Variants in IFT56 observed in about 807,000 individuals in gnomAD.
IFT56 encodes the protein intraflagellar transport 56.
chr7:139,144,277 T>A, the IFT56 span, among the ~76,000 whole-genome samples: 1 of 152,086 alleles, frequency 6.6e-6, no homozygotes, highest in Non-Finnish European at 1.5e-5. Flanking sequence ...AGGTAGGTAA[T>A]TATTTTTGCT....
chr7:139,174,979 C>T, the IFT56 span, among the ~76,000 whole-genome samples: 1 of 151,768 alleles, frequency 6.6e-6, no homozygotes, highest in African/African-American at 2.4e-5. Context: ...CGAGGTCACA[C>T]CATCACACTA....
the IFT56 span, chr7:139,187,491 G>GT: frequency 6.2e-7 from 1 of 1,614,196 alleles, no homozygotes; most frequent in Non-Finnish European, 8.5e-7. Context: ...GGCAAACGGG[G>GT]TGCCTGTGTG....
At chr7:139,156,891 G>A in the IFT56 span, among the ~76,000 whole-genome samples, 1 of 152,160 alleles carries the variant, frequency 6.6e-6, no homozygotes, top group Non-Finnish European at 1.5e-5. Flanking sequence ...TTCACATGTA[G>A]TGGGTCTAGC....
At chr7:139,150,239 G>A in the IFT56 span, among the ~76,000 whole-genome samples, 1 of 152,278 alleles carries the variant, frequency 6.6e-6, no homozygotes, top group Non-Finnish European at 1.5e-5. Context: ...AGCATCAGCA[G>A]TTTAGTAAGA....
At chr7:139,167,575 A>G in the IFT56 span, among the ~76,000 whole-genome samples, 33 of 152,222 alleles carry the variant, frequency 2.2e-4, no homozygotes, top group African/African-American at 6.5e-4. Flanking sequence ...AGAATACCTT[A>G]TAAATGGATA....
At chr7:139,175,295 C>G in the IFT56 span, among the ~76,000 whole-genome samples, 1 of 152,132 alleles carries the variant, frequency 6.6e-6, no homozygotes, top group East Asian at 1.9e-4. Flanking sequence ...AGCACACCTA[C>G]TATGGATAAC....
At chr7:139,188,515 G>A in the IFT56 span, among the ~76,000 whole-genome samples, 3 of 152,164 alleles carry the variant, frequency 2.0e-5, no homozygotes, top group African/African-American at 7.2e-5. Flanking sequence ...AATTTTGTAA[G>A]AAAATAATCT....
the IFT56 span, chr7:139,187,599 C>A: frequency 0.13 from 205,389 of 1,570,570 alleles, 36,508 homozygotes; most frequent in African/African-American, 0.75. Flanking sequence ...AGGGAAAATA[C>A]TTGTTCTCTT....
At chr7:139,163,284 G>T in the IFT56 span, among the ~76,000 whole-genome samples, 1 of 150,858 alleles carries the variant, frequency 6.6e-6, no homozygotes, top group Non-Finnish European at 1.5e-5. Context: ...GAAGCTTGCA[G>T]TGAGCGAAGA....
At chr7:139,141,031 T>C in the IFT56 span, among the ~76,000 whole-genome samples, 1 of 146,784 alleles carries the variant, frequency 6.8e-6, no homozygotes, top group Non-Finnish European at 1.5e-5. Flanking sequence ...GAGGCCGAGG[T>C]GGGCGGATCA....
At chr7:139,139,040 C>A in the IFT56 span, among the ~76,000 whole-genome samples, 1 of 152,130 alleles carries the variant, frequency 6.6e-6, no homozygotes, top group Non-Finnish European at 1.5e-5. Context: ...TCTCGATCTC[C>A]TGACCTTGTG....
At chr7:139,172,667 G>A in the IFT56 span, 1 of 616,430 alleles carries the variant, frequency 1.6e-6, no homozygotes, top group Non-Finnish European at 3.2e-6. Context: ...CTCAGAAAAG[G>A]ACATCTTTCC....
the IFT56 span, chr7:139,179,736 T>C: frequency 9.4e-7 from 1 of 1,065,680 alleles, no homozygotes; most frequent in Non-Finnish European, 1.4e-6. Context: ...AGTTTTCTAA[T>C]TTTATTTTGC....
At chr7:139,134,211 C>T in the IFT56 span, among the ~76,000 whole-genome samples, 1 of 152,048 alleles carries the variant, frequency 6.6e-6, no homozygotes, top group South Asian at 2.1e-4. Flanking sequence ...TAGTAGAATA[C>T]CTGTTACAAA....
chr7:139,136,723 GCCTC>G, the IFT56 span, among the ~76,000 whole-genome samples: 1 of 152,098 alleles, frequency 6.6e-6, no homozygotes, highest in Non-Finnish European at 1.5e-5. Context: ...CCTGCTTCTG[GCCTC>G]CCAAAATGCT....
At chr7:139,189,606 G>C in the IFT56 span, 1 of 546,722 alleles carries the variant, frequency 1.8e-6, no homozygotes, top group Non-Finnish European at 3.3e-6. Flanking sequence ...TGGCTGAACA[G>C]AGTGCCATAG....
chr7:139,171,796 T>C, the IFT56 span, among the ~76,000 whole-genome samples: 1 of 152,216 alleles, frequency 6.6e-6, no homozygotes, highest in Admixed American at 6.5e-5. Flanking sequence ...CTTCTTTTTA[T>C]GTTGTTGTTC....
At chr7:139,169,651 C>A in the IFT56 span, among the ~76,000 whole-genome samples, 1 of 152,150 alleles carries the variant, frequency 6.6e-6, no homozygotes, top group Non-Finnish European at 1.5e-5. Flanking sequence ...TGAGCATTAA[C>A]TTTTGTCACA....
the IFT56 span, among the ~76,000 whole-genome samples, chr7:139,140,957 T>G: frequency 6.6e-6 from 1 of 150,898 alleles, no homozygotes; most frequent in East Asian, 2.0e-4. Context: ...AAGACTTTTT[T>G]TTTTTTTTAA....
Sources: allele counts gnomAD v4.1 joint callset (sites outside exome capture counted in the v4.1 genomes callset), GRCh38; gene constraint gnomAD v4.1.1; transcripts MANE v1.5; gene names NCBI Gene and HGNC (gene_info 2026-07-23, HGNC 2026-07-21).